SLC9A9: variants seen among roughly 807,000 people sequenced by gnomAD.
SLC9A9 encodes the protein solute carrier family 9 member A9, also known as sodium/hydrogen exchanger 9.
SLC9A9 carries 62 observed loss-of-function variants against 77.8 expected under a neutral mutation model. The observed-to-expected ratio is 0.80, with a 90% CI of 0.65 to 0.98. The LOEUF (loss-of-function observed/expected upper bound fraction) is 0.98. SLC9A9 is among the 50% of genes least tolerant of loss of function. The pLI is 0.00. For synonymous variants in SLC9A9, 320 were observed against 283.5 expected, an observed-to-expected ratio of 1.13 and a Z score of -1.29; for missense variants, 775 against 774.9, an observed-to-expected ratio of 1.00 and a Z score of 0.00.
chr3:143,482,401 G>A (rs1366542628), intron 11 of SLC9A9, among the ~76,000 whole-genome samples: 1 of 152,180 alleles, frequency 6.6e-6, no homozygotes, highest in Non-Finnish European at 1.5e-5. Context: ...CATTTTACCG[G>A]TTAAAACTTC....
intron 12 of SLC9A9, among the ~76,000 whole-genome samples, chr3:143,441,834 T>TCATCCATC (rs796090893): frequency 5.4e-5 from 7 of 129,596 alleles, no homozygotes; most frequent in African/African-American, 1.0e-4. Context: ...ATTTACTCAT[T>TCATCCATC]CATCCATCCA....
intron 12 of SLC9A9, among the ~76,000 whole-genome samples, chr3:143,391,001 C>G (rs1161970462): frequency 1.3e-5 from 2 of 152,240 alleles, no homozygotes; most frequent in African/African-American, 2.4e-5. Context: ...GCCTGCCTGC[C>G]TCTGTAGACT....
At chr3:143,271,622 A>G (rs1422265343) in intron 14 of SLC9A9, among the ~76,000 whole-genome samples, 1 of 152,172 alleles carries the variant, frequency 6.6e-6, no homozygotes, top group Non-Finnish European at 1.5e-5. Flanking sequence ...TGGACTACTA[A>G]GTGAATGGAA....
intron 9 of SLC9A9, among the ~76,000 whole-genome samples, chr3:143,548,962 A>C (rs2036836205): frequency 6.6e-6 from 1 of 152,170 alleles, no homozygotes; most frequent in South Asian, 2.1e-4. Context: ...GATTTCCCTG[A>C]GTTTACTAAT....
rs2030694075 is a variant in SLC9A9, at chr3:143,304,597, C to CA, written c.1605-35618dup. Among the ~76,000 whole-genome samples, 3 of 152,210 alleles carry CA rather than the reference C, an allele frequency of 2.0e-5. No individual in the cohort carries two copies. In the South Asian group the frequency reaches 6.2e-4, roughly 32 times the overall value. On this transcript the variant is annotated intron_variant, in intron 14 of 15. Transcript: ENST00000316549. The stretch of plus-strand genomic sequence containing the variant: ...TTGACAGACTTGATAAAAGTCCAGC[C>CA]ATGGCTGGCTCATAAACGAGACACC...
intron 8 of SLC9A9, among the ~76,000 whole-genome samples, chr3:143,556,050 T>C (rs1267566087): frequency 6.6e-6 from 1 of 152,264 alleles, no homozygotes; most frequent in Non-Finnish European, 1.5e-5. Context: ...AAATGTCTCA[T>C]CTAAATACAT....
Position 143,363,504 on chromosome 3 carries a change from C to T in SLC9A9, c.1584G>A (p.Met528Ile). Residue 528 changes from methionine (M) to isoleucine (I), a missense_variant, in exon 14 of 16, where the codon ATG (methionine) becomes ATA (isoleucine). Met to Ile is a conservative substitution (Grantham distance 10). Transcript: ENST00000316549. ...GATACTTGTGGTCAAAGCTATACCA[C>T]ATTCTGAAGAGCCGAGCACTCTCTG... Reference protein sequence around the residue: ...TKAESARLFRMWYSFDHKYLK... With the variant: ...TKAESARLFRIWYSFDHKYLK... 1 of 1,613,042 alleles carries T rather than the reference C, an allele frequency of 6.2e-7. No individual in the cohort carries two copies. Among genetic ancestry groups the T allele is most frequent in the African/African-American group, 1.3e-5 (1 of 75,002 alleles).
chr3:143,719,667 G>A (rs924234073), intron 4 of SLC9A9, among the ~76,000 whole-genome samples: 4 of 152,076 alleles, frequency 2.6e-5, no homozygotes, highest in Non-Finnish European at 4.4e-5. Flanking sequence ...AACAGGTGCC[G>A]AACAATTTCT....
At chr3:143,478,583 T>C (rs1576524594) in intron 11 of SLC9A9, among the ~76,000 whole-genome samples, 1 of 152,206 alleles carries the variant, frequency 6.6e-6, no homozygotes, top group African/African-American at 2.4e-5. Context: ...ATGATGAAAA[T>C]TCTTAAATTC....
Position 143,832,145 on chromosome 3 carries a change from T to C in SLC9A9, c.252A>G (p.Val84=). 6.2e-7 allele frequency: 1 copy of C among 1,613,328 alleles called. No individual in the cohort carries two copies. The highest frequency in any genetic ancestry group is 8.5e-7 in the Non-Finnish European group (1 of 1,179,614). ...GAGTTGATGGACTGAAAGTTAGTTT[T>C]ACACAGTCATAGACAGTTCCACTTT... The part of the protein sequence containing the change: ...DIESGTVYDC[V]KLTFSPSTLL... The change falls in exon 2 of 16, where the codon GTA becomes GTG. Residue 84 remains valine (V), a synonymous_variant. Coordinates refer to ENST00000316549, the MANE Select transcript of SLC9A9 (RefSeq NM_173653.4).
At chr3:143,473,717 C>T (rs2035416539) in intron 11 of SLC9A9, among the ~76,000 whole-genome samples, 1 of 152,106 alleles carries the variant, frequency 6.6e-6, no homozygotes, top group Admixed American at 6.5e-5. Context: ...TCTTTTTCTC[C>T]GACTCCCAAT....
chr3:143,393,033 A>C (rs528742265), intron 12 of SLC9A9, among the ~76,000 whole-genome samples: 6 of 152,274 alleles, frequency 3.9e-5, no homozygotes, highest in South Asian at 4.1e-4. Flanking sequence ...TTAGACAGAT[A>C]AATGAGACAG....
At chr3:143,408,729 G>A (rs549869836) in intron 12 of SLC9A9, among the ~76,000 whole-genome samples, 53 of 152,228 alleles carry the variant, frequency 3.5e-4, no homozygotes, top group South Asian at 2.1e-3. Flanking sequence ...ACAAAAACAT[G>A]AGTATCATAA....
chr3:143,437,318 T>C (rs73867631), intron 12 of SLC9A9, among the ~76,000 whole-genome samples: 2,094 of 152,350 alleles, frequency 0.014, 49 homozygotes, highest in African/African-American at 0.047. Context: ...TTCCTCTGTT[T>C]GCTTGCAAGC....
At chr3:143,708,036 C>G (rs1406970933) in intron 4 of SLC9A9, among the ~76,000 whole-genome samples, 2 of 152,146 alleles carry the variant, frequency 1.3e-5, no homozygotes, top group Admixed American at 1.3e-4. Context: ...GATCAAGCCT[C>G]CCTTCTGTGA....
At chr3:143,778,003 A>G (rs907682212) in intron 4 of SLC9A9, among the ~76,000 whole-genome samples, 2 of 128,958 alleles carry the variant, frequency 1.6e-5, no homozygotes, top group Non-Finnish European at 3.1e-5. Context: ...ATGAGCCACC[A>G]CGCCCGGCCC....
intron 9 of SLC9A9, among the ~76,000 whole-genome samples, chr3:143,519,573 A>T (rs562707773): frequency 6.6e-6 from 1 of 152,294 alleles, no homozygotes; most frequent in African/African-American, 2.4e-5. Context: ...ATAAGGTGAC[A>T]TGATCTGATA....
intron 4 of SLC9A9, among the ~76,000 whole-genome samples, chr3:143,705,041 A>ATCATC (rs765935008): frequency 1.7e-5 from 1 of 60,214 alleles, no homozygotes; most frequent in Non-Finnish European, 3.9e-5. Flanking sequence ...CTATCTATCT[A>ATCATC]TATAGATATA....
At chr3:143,559,833 C>T (rs1238435737) in intron 8 of SLC9A9, among the ~76,000 whole-genome samples, 1 of 152,268 alleles carries the variant, frequency 6.6e-6, no homozygotes, top group East Asian at 1.9e-4. Context: ...ATTTTTAAAT[C>T]TCTAGAACAC....
Sources: allele counts gnomAD v4.1 joint callset (sites outside exome capture counted in the v4.1 genomes callset), GRCh38; gene constraint gnomAD v4.1.1; transcripts MANE v1.5; gene names NCBI Gene and HGNC (gene_info 2026-07-23, HGNC 2026-07-21).